ADGRL2: variants seen among roughly 807,000 people sequenced by gnomAD.
ADGRL2 encodes adhesion G protein-coupled receptor L2.
ADGRL2 carries 44 observed loss-of-function variants against 157.4 expected under a neutral mutation model. The ratio of observed to expected loss-of-function variants is 0.28; its 90% CI spans 0.22 to 0.36. The LOEUF (loss-of-function observed/expected upper bound fraction) is 0.36, where lower values mean the gene tolerates loss of function less well. ADGRL2 is among the 10% of genes least tolerant of loss of function. The pLI, the probability that ADGRL2 is intolerant of heterozygous loss-of-function variation, is 1.00. For missense variants in ADGRL2, 1,510 were observed against 1,768.9 expected (o/e 0.85, Z 2.63); for synonymous variants, 585 against 624.7 (o/e 0.94, Z 0.95).
At chr1:81,501,764 GC>G in intron 2 of ADGRL2, 1 of 1,608,232 alleles carries the variant, frequency 6.2e-7, no homozygotes, top group East Asian at 2.2e-5. Context: ...GAAGCTTGAG[GC>G]AAAAATGGAG....
chr1:81,752,195 G>A (rs753842406), intron 1 of ADGRL2, among the ~76,000 whole-genome samples: 12 of 152,154 alleles, frequency 7.9e-5, no homozygotes, highest in Non-Finnish European at 1.5e-4. Flanking sequence ...ATTAAAGTGA[G>A]AAGGAAGCTA....
At chr1:81,793,171 T>C (rs1322515388) in intron 2 of ADGRL2, among the ~76,000 whole-genome samples, 1 of 152,104 alleles carries the variant, frequency 6.6e-6, no homozygotes, top group Admixed American at 6.5e-5. Context: ...TTCAATTGGT[T>C]TATTTTATAA....
intron 3 of ADGRL2, among the ~76,000 whole-genome samples, chr1:81,676,269 A>C (rs1355504180): frequency 6.6e-6 from 1 of 151,992 alleles, no homozygotes; most frequent in Non-Finnish European, 1.5e-5. Context: ...TCGGCCTCCC[A>C]AAGTGCTGGG....
chr1:81,543,325 A>T lies in ADGRL2; in HGVS notation c.-247-37551A>T, dbSNP rs561696634. 8.6e-4 allele frequency among the ~76,000 whole-genome samples: 131 copies of T among 151,992 alleles called. 2 individuals are homozygous for T. The highest frequency in any genetic ancestry group is 3.1e-3 in the African/African-American group (128 of 41,358). ...CACTAAAGTCCCAAGGGAGTTGTTC[A>T]CCCCTTCCATCATGTGAGGACACAA... On this transcript the variant is annotated intron_variant, in intron 2 of 24. Transcript: ENST00000370721.
intron 2 of ADGRL2, among the ~76,000 whole-genome samples, chr1:81,891,691 T>TA (rs1167957609): frequency 2.0e-5 from 3 of 152,166 alleles, no homozygotes; most frequent in Non-Finnish European, 4.4e-5. Flanking sequence ...AACCTTGAGT[T>TA]ACTCGTTTAG....
chr1:81,623,192 C>A (rs1454663275), intron 3 of ADGRL2, among the ~76,000 whole-genome samples: 1 of 152,132 alleles, frequency 6.6e-6, no homozygotes, highest in East Asian at 1.9e-4. Flanking sequence ...ACACTAGAAT[C>A]AACAGCCATA....
At chr1:81,503,426 G>C in intron 2 of ADGRL2, 4 of 1,613,618 alleles carry the variant, frequency 2.5e-6, no homozygotes, top group Non-Finnish European at 3.4e-6. Context: ...ACCTCATCCC[G>C]GGGCACCCCC....
intron 1 of ADGRL2, among the ~76,000 whole-genome samples, chr1:81,418,454 T>A (rs571253646): frequency 6.6e-6 from 1 of 152,270 alleles, no homozygotes; most frequent in East Asian, 1.9e-4. Context: ...AAAAAATGAA[T>A]TTAAATAAGA....
chr1:81,490,377 C>T (rs377537422), intron 2 of ADGRL2, among the ~76,000 whole-genome samples: 5 of 152,180 alleles, frequency 3.3e-5, no homozygotes, highest in African/African-American at 7.2e-5. Flanking sequence ...GGTGATCCAC[C>T]GGCCCTGGCC....
intron 3 of ADGRL2, among the ~76,000 whole-genome samples, chr1:81,605,452 C>T (rs939126357): frequency 2.0e-5 from 3 of 152,202 alleles, no homozygotes; most frequent in African/African-American, 4.8e-5. Flanking sequence ...AGAAATCTAA[C>T]AGTCATACGA....
At chr1:81,760,766 G>A (rs541431995) in intron 1 of ADGRL2, among the ~76,000 whole-genome samples, 1 of 148,720 alleles carries the variant, frequency 6.7e-6, no homozygotes, top group East Asian at 2.0e-4. Flanking sequence ...TATCAAAATT[G>A]TATTGATAAT....
At chr1:81,551,259 T>A (rs1238960449) in intron 2 of ADGRL2, among the ~76,000 whole-genome samples, 4 of 152,154 alleles carry the variant, frequency 2.6e-5, no homozygotes, top group African/African-American at 9.7e-5. Flanking sequence ...TCTTTTCAAG[T>A]CTGCTAAAGA....
intron 1 of ADGRL2, among the ~76,000 whole-genome samples, chr1:81,353,672 C>G (rs1007886156): frequency 4.6e-5 from 7 of 152,144 alleles, no homozygotes; most frequent in Non-Finnish European, 1.0e-4. Flanking sequence ...AAGGTTGGCA[C>G]ATGGAAGCTC....
chr1:81,939,779 T>G (rs983433322), intron 4 of ADGRL2, among the ~76,000 whole-genome samples: 1 of 151,446 alleles, frequency 6.6e-6, no homozygotes, highest in Non-Finnish European at 1.5e-5. Flanking sequence ...TGTATTTTTG[T>G]ACTCTTCTAC....
intron 1 of ADGRL2, among the ~76,000 whole-genome samples, chr1:81,348,587 A>G (rs1662650488): frequency 6.6e-6 from 1 of 152,190 alleles, no homozygotes; most frequent in African/African-American, 2.4e-5. Context: ...TTTGAGAGCC[A>G]GACCTTAGAA....
intron 2 of ADGRL2, among the ~76,000 whole-genome samples, chr1:81,468,203 C>G (rs1175098898): frequency 6.6e-6 from 1 of 152,090 alleles, no homozygotes; most frequent in Non-Finnish European, 1.5e-5. Context: ...GAGAGTGATT[C>G]TAGCATTGAC....
intron 3 of ADGRL2, among the ~76,000 whole-genome samples, chr1:81,678,060 G>T (rs1366963464): frequency 7.9e-5 from 12 of 152,164 alleles, no homozygotes; most frequent in Non-Finnish European, 1.3e-4. Flanking sequence ...AGACACAGCT[G>T]AAATGTCACC....
At chr1:81,937,284 G>C (rs2095324676) in intron 4 of ADGRL2, among the ~76,000 whole-genome samples, 1 of 151,816 alleles carries the variant, frequency 6.6e-6, no homozygotes, top group East Asian at 1.9e-4. Context: ...TGAGGCAAGT[G>C]CTTTACTTTT....
rs1462432150 is a variant in ADGRL2 at position 81,766,757 on chromosome 1, G to A, written c.-101+4905G>A. On this transcript the variant is annotated intron_variant, in intron 2 of 20. Transcript: ENST00000359929. ...AGGCACGAGAATCACTTGAACCCAG[G>A]AGGCGGAGATTGTGGTGAGCGGAGA... Among the ~76,000 whole-genome samples the A allele has an allele frequency of 8.0e-5, 12 of 150,318 alleles. No individual in the cohort carries two copies. The Admixed American group carries it at 8.0e-4, about 10-fold the overall frequency.
Sources: allele counts gnomAD v4.1 joint callset (sites outside exome capture counted in the v4.1 genomes callset), GRCh38; gene constraint gnomAD v4.1.1; transcripts MANE v1.5; gene names NCBI Gene and HGNC (gene_info 2026-07-23, HGNC 2026-07-21).